The following LIN54 variants were observed in gnomAD, a reference collection of about 807,000 sequenced individuals.
The protein encoded by LIN54 is protein lin-54 homolog.
In LIN54, 9 loss-of-function variants were observed where a neutral mutation model predicts 78.7. That is an observed-to-expected ratio of 0.11 (90% CI 0.07 to 0.20). The LOEUF (loss-of-function observed/expected upper bound fraction) is 0.20, where lower values mean the gene tolerates loss of function less well. Ranked by LOEUF, LIN54 falls within the 10% of genes least tolerant of loss-of-function variation. The pLI is 1.00. For missense variants in LIN54, 573 were observed against 889.9 expected (o/e 0.64, Z 4.53); for synonymous variants, 269 against 318.4 (o/e 0.84, Z 1.65).
At chr4:82,962,164 A>G (rs1046264418) in intron 4 of LIN54, among the ~76,000 whole-genome samples, 3 of 152,038 alleles carry the variant, frequency 2.0e-5, no homozygotes, top group African/African-American at 7.2e-5. Flanking sequence ...GACTCAAGCA[A>G]TCTTCCCACC....
At position 82,930,028 on chromosome 4, in the gene LIN54, G is replaced by C. The variant is rs1309419496; in HGVS notation, c.2048+915C>G. Among the ~76,000 whole-genome samples, 4 of 152,056 alleles carry C rather than the reference G, an allele frequency of 2.6e-5. No homozygotes were observed. In the East Asian group the frequency reaches 7.9e-4, roughly 30 times the overall value. ...TTCTCCTGCGTCAGCCTCCCAAGTA[G>C]CTGGGATTACAGGCGCACACCACCA... On this transcript the variant is annotated intron_variant, in intron 12 of 12. Transcript: ENST00000340417.
At chr4:83,010,345 T>G in intron 1 of LIN54, 139 bp downstream of exon 1, 2 of 287,400 alleles carry the variant, frequency 7.0e-6, no homozygotes, top group Non-Finnish European at 1.1e-5. Context: ...GTTGATGTCA[T>G]GACGAGGCTA....
intron 2 of LIN54, among the ~76,000 whole-genome samples, chr4:82,979,220 G>T (rs916243397): frequency 2.0e-5 from 3 of 151,944 alleles, no homozygotes; most frequent in African/African-American, 7.3e-5. Flanking sequence ...TAATACCTTT[G>T]CATTTTATTA....
intron 2 of LIN54, among the ~76,000 whole-genome samples, chr4:82,979,936 T>A (rs1238327346): frequency 3.1e-5 from 1 of 32,616 alleles, no homozygotes; most frequent in Non-Finnish European, 8.8e-5. Context: ...TGAGACTCTG[T>A]CTCAAAAAAA....
At position 82,925,594 on chromosome 4, in the gene LIN54, A is replaced by C. The variant is rs1721399819; in HGVS notation, c.*2508T>G. On this transcript the variant is annotated 3_prime_UTR_variant, in exon 13 of 13. Transcript: ENST00000340417. ...AGTAATAACTGAGCAAAATGATAGA[A>C]TTTTTTAGTTGTGTGTTTTCAGAAG... 1 of 152,654 alleles carries C rather than the reference A, an allele frequency of 6.6e-6. No homozygotes were observed. The highest frequency in any genetic ancestry group is 6.5e-5 in the Admixed American group (1 of 15,288). 9.5% of individuals were successfully genotyped at this position (152,654 alleles called of 1,614,324 possible).
At chr4:82,986,533 G>A (rs1218207391) in intron 1 of LIN54, among the ~76,000 whole-genome samples, 6 of 151,050 alleles carry the variant, frequency 4.0e-5, no homozygotes, top group Non-Finnish European at 7.4e-5. Context: ...GTGAAACCCC[G>A]TCTCAACTAA....
At chr4:82,942,849 C>A (rs998370482) in intron 5 of LIN54, among the ~76,000 whole-genome samples, 2 of 100,912 alleles carry the variant, frequency 2.0e-5, no homozygotes, top group Non-Finnish European at 3.7e-5. Context: ...CAAATGTGTG[C>A]GTGTGCGCGC....
In LIN54 at chr4:82,974,662, A is replaced by G. The variant is rs554373998; in HGVS notation, c.809-4193T>C. Among the ~76,000 whole-genome samples the G allele has an allele frequency of 4.6e-5, 7 of 152,202 alleles. No individual in the cohort carries two copies. In the South Asian group the frequency reaches 1.5e-3, roughly 32 times the overall value. On this transcript the variant is annotated intron_variant, in intron 3 of 12. Transcript: ENST00000340417. The stretch of plus-strand genomic sequence containing the variant: ...TGAAGCAAGAGAATCACTTGAACCC[A>G]GAAGGCAGAGGTTGCAGTGAGCCAC...
intron 4 of LIN54, among the ~76,000 whole-genome samples, 170 bp downstream of exon 4, chr4:82,970,157 T>C (rs982455346): frequency 3.9e-5 from 6 of 152,250 alleles, no homozygotes; most frequent in African/African-American, 1.4e-4. Flanking sequence ...GTGTTTAAAG[T>C]AAGCTTTTTA....
intron 4 of LIN54, among the ~76,000 whole-genome samples, chr4:82,949,845 CTT>C (rs370091580): frequency 2.4e-5 from 3 of 126,448 alleles, no homozygotes; most frequent in Non-Finnish European, 1.6e-5. Context: ...TTTATTTTTG[CTT>C]TTTTTTTTTT....
At chr4:82,932,786 T>C (rs1722077396) in intron 11 of LIN54, among the ~76,000 whole-genome samples, 3 of 151,964 alleles carry the variant, frequency 2.0e-5, no homozygotes, top group Non-Finnish European at 1.5e-5. Flanking sequence ...GATCACGCGA[T>C]TGCACTCCAG....
chr4:82,962,917 A>C (rs1724920939), intron 4 of LIN54, among the ~76,000 whole-genome samples: 1 of 152,072 alleles, frequency 6.6e-6, no homozygotes, highest in Non-Finnish European at 1.5e-5. Context: ...AAGTTTAAGA[A>C]CTATTTGAAG....
intron 4 of LIN54, among the ~76,000 whole-genome samples, chr4:82,947,235 A>ATATT: frequency 4.5e-4 from 20 of 44,294 alleles, no homozygotes; most frequent in East Asian, 1.0e-3. Flanking sequence ...ATATATATAT[A>ATATT]TTTTTTTTTT....
At chr4:82,937,166 ATTTACT>A in intron 9 of LIN54, 55 bp downstream of exon 9, 1 of 871,784 alleles carries the variant, frequency 1.1e-6, no homozygotes, top group Admixed American at 1.7e-5. Context: ...AGTTAACTCC[ATTTACT>A]TTTAAGTGCA....
At position 82,952,454 on chromosome 4, in the gene LIN54, C is replaced by T. The variant is rs573392068; in HGVS notation, c.952-5980G>A. Among the ~76,000 whole-genome samples, 4 of 152,064 alleles carry T rather than the reference C, an allele frequency of 2.6e-5. 1 individual carries two copies. Among genetic ancestry groups the T allele is most frequent in the Non-Finnish European group, 5.9e-5 (4 of 67,978 alleles). On this transcript the variant is annotated intron_variant, in intron 4 of 12. Transcript: ENST00000340417. ...TCACATCCATAAGGATGGCTACTGT[C>T]AAAAACAACTGTTGGTAAGGATGTA...
Position 82,928,078 on chromosome 4 carries a change from A to C in LIN54, c.*24T>G, listed in dbSNP as rs1178689513. On this transcript the variant is annotated 3_prime_UTR_variant, in exon 13 of 13. Transcript: ENST00000340417. ...CACCTTAAATTTTCTGTACAGTTCC[A>C]TTTATCAGTCTTTTGTGCAAGAGTT... 1 of 1,605,950 alleles carries C rather than the reference A, an allele frequency of 6.2e-7. No homozygotes were observed. Among genetic ancestry groups the C allele is most frequent in the African/African-American group, 1.3e-5 (1 of 74,806 alleles).
chr4:82,996,637 C>T (rs1342026695), intron 1 of LIN54, among the ~76,000 whole-genome samples: 1 of 151,994 alleles, frequency 6.6e-6, no homozygotes, highest in Non-Finnish European at 1.5e-5. Context: ...AACTCTTGAC[C>T]TCATGATCCA....
chr4:82,991,076 G>A (rs891036373), intron 1 of LIN54, among the ~76,000 whole-genome samples: 6 of 149,792 alleles, frequency 4.0e-5, no homozygotes, highest in East Asian at 2.0e-4. Flanking sequence ...TGGGAGGATC[G>A]CTTGAGGCCA....
chr4:82,988,362 C>A lies in LIN54; in HGVS notation c.-32-3486G>T, dbSNP rs567292509. ...GTTTTACTTATTAGTAGTTCTATTC[C>A]TTTTTACTGCTGAGTAATATTCCAT... On this transcript the variant is annotated intron_variant, in intron 1 of 12. Transcript: ENST00000340417. 8.0e-4 allele frequency among the ~76,000 whole-genome samples: 122 copies of A among 152,058 alleles called. 5 individuals are homozygous for A. The South Asian group carries it at 0.023, about 29-fold the overall frequency.
Sources: allele counts gnomAD v4.1 joint callset (sites outside exome capture counted in the v4.1 genomes callset), GRCh38; gene constraint gnomAD v4.1.1; transcripts MANE v1.5; gene names NCBI Gene and HGNC (gene_info 2026-07-23, HGNC 2026-07-21).